AGBL4: variants seen among roughly 807,000 people sequenced by gnomAD.
AGBL4 encodes the protein AGBL carboxypeptidase 4, also known as cytosolic carboxypeptidase 6.
In AGBL4, 58 loss-of-function variants were observed where a neutral mutation model predicts 66.4. The observed-to-expected ratio is 0.87, with a 90% confidence interval of 0.71 to 1.09. AGBL4 has a LOEUF of 1.09. AGBL4 is among the 50% of genes least tolerant of loss of function. The pLI is 0.00. For synonymous variants in AGBL4, 234 were observed against 222.9 expected (o/e 1.05, Z -0.44); for missense variants, 579 against 631.0 (o/e 0.92, Z 0.88).
chr1:49,241,252 T>C (rs1178893043), intron 4 of AGBL4, among the ~76,000 whole-genome samples: 1 of 152,060 alleles, frequency 6.6e-6, no homozygotes, highest in African/African-American at 2.4e-5. Flanking sequence ...TTTATTTCCA[T>C]TGTCATTAGA....
chr1:48,933,260 T>A (rs578244227), intron 5 of AGBL4, among the ~76,000 whole-genome samples: 1 of 152,298 alleles, frequency 6.6e-6, no homozygotes, highest in South Asian at 2.1e-4. Context: ...ATATGGTAGA[T>A]GTTCAAGAAA....
intron 2 of AGBL4, among the ~76,000 whole-genome samples, chr1:49,788,787 T>C (rs1275327342): frequency 6.6e-6 from 1 of 152,142 alleles, no homozygotes; most frequent in Non-Finnish European, 1.5e-5. Flanking sequence ...AAGCATGTAA[T>C]AAGAGTTCCA....
rs544004640 is a variant in AGBL4 at position 48,726,857 on chromosome 1, G to T, written c.635-63616C>A. On this transcript the variant is annotated intron_variant, in intron 6 of 13. Transcript: ENST00000371839. ...TCTAATCCTTGTAGCACCTCTGAAA[G>T]GTAGCTATTATCTCCTTTTTGTGAA... 2.0e-5 allele frequency among the ~76,000 whole-genome samples: 3 copies of T among 152,332 alleles called. No homozygotes were observed. The South Asian group carries it at 6.2e-4, about 32-fold the overall frequency.
chr1:48,558,496 A>G (rs891167748), intron 11 of AGBL4, among the ~76,000 whole-genome samples: 5 of 152,346 alleles, frequency 3.3e-5, no homozygotes, highest in South Asian at 2.1e-4. Flanking sequence ...ATGGTGGCCA[A>G]TCAGAGCACT....
intron 3 of AGBL4, among the ~76,000 whole-genome samples, chr1:49,284,507 A>G (rs1020811733): frequency 8.5e-5 from 13 of 152,180 alleles, no homozygotes; most frequent in Non-Finnish European, 1.6e-4. Context: ...GACAGGATCA[A>G]ATTCACATAT....
At chr1:49,702,933 C>T (rs1022360129) in intron 2 of AGBL4, among the ~76,000 whole-genome samples, 1 of 152,032 alleles carries the variant, frequency 6.6e-6, no homozygotes, top group Non-Finnish European at 1.5e-5. Context: ...CACAAGGGAC[C>T]TTCCTCAAAC....
chr1:49,114,331 C>T (rs1645473230), intron 4 of AGBL4, among the ~76,000 whole-genome samples: 3 of 152,278 alleles, frequency 2.0e-5, no homozygotes, highest in South Asian at 4.1e-4. Flanking sequence ...TTCTTCTGCA[C>T]CTTCTTCATC....
chr1:49,894,643 C>T (rs1161192241), intron 1 of AGBL4, among the ~76,000 whole-genome samples: 1 of 151,950 alleles, frequency 6.6e-6, no homozygotes, highest in Non-Finnish European at 1.5e-5. Context: ...GAAAGACACT[C>T]TTAATAGAGG....
intron 3 of AGBL4, among the ~76,000 whole-genome samples, chr1:49,473,739 T>C (rs1646793361): frequency 6.6e-6 from 1 of 152,112 alleles, no homozygotes; most frequent in Non-Finnish European, 1.5e-5. Context: ...TCCTGGATTT[T>C]CTTCTAGTAT....
At chr1:49,916,249 G>A (rs1651474230) in intron 1 of AGBL4, among the ~76,000 whole-genome samples, 1 of 152,230 alleles carries the variant, frequency 6.6e-6, no homozygotes, top group Non-Finnish European at 1.5e-5. Context: ...ACTTTGATGA[G>A]TTGAGAGAAG....
At chr1:49,413,066 T>C (rs1192258263) in intron 3 of AGBL4, among the ~76,000 whole-genome samples, 3 of 152,134 alleles carry the variant, frequency 2.0e-5, no homozygotes, top group Non-Finnish European at 2.9e-5. Flanking sequence ...GAAGACTGAA[T>C]GGAAATTTCG....
intron 6 of AGBL4, among the ~76,000 whole-genome samples, chr1:48,862,289 C>T (rs6692527): frequency 0.074 from 11,259 of 152,146 alleles, 566 homozygotes; most frequent in East Asian, 0.16. Flanking sequence ...TTAAAAGTGC[C>T]GGCTTCTTCC....
chr1:49,014,114 C>A (rs181618489), intron 5 of AGBL4, among the ~76,000 whole-genome samples: 40 of 152,166 alleles, frequency 2.6e-4, no homozygotes, highest in Non-Finnish European at 4.9e-4. Context: ...TTCCGTTCTT[C>A]CCCCTTCTCT....
chr1:49,894,632 C>T (rs1005328612), intron 1 of AGBL4, among the ~76,000 whole-genome samples: 7 of 151,754 alleles, frequency 4.6e-5, no homozygotes, highest in Non-Finnish European at 1.0e-4. Context: ...CTGAAGGATG[C>T]GAAAGACACT....
At chr1:49,739,102 A>G (rs1177715975) in intron 2 of AGBL4, among the ~76,000 whole-genome samples, 1 of 151,506 alleles carries the variant, frequency 6.6e-6, no homozygotes, top group East Asian at 1.9e-4. Context: ...CGATCAAACT[A>G]CTCTGAGCTA....
At chr1:49,204,513 G>A (rs1013201597) in intron 4 of AGBL4, among the ~76,000 whole-genome samples, 3 of 152,052 alleles carry the variant, frequency 2.0e-5, no homozygotes, top group African/African-American at 2.4e-5. Context: ...CTCCTGGCCT[G>A]AAGTGATCCT....
chr1:48,744,554 G>A (rs1380597442), intron 6 of AGBL4, among the ~76,000 whole-genome samples: 2 of 152,120 alleles, frequency 1.3e-5, no homozygotes, highest in African/African-American at 4.8e-5. Flanking sequence ...ACTCACTCAC[G>A]GTCATTTTTA....
intron 2 of AGBL4, among the ~76,000 whole-genome samples, chr1:49,758,747 G>C (rs866449763): frequency 1.3e-5 from 2 of 151,786 alleles, no homozygotes; most frequent in Non-Finnish European, 2.9e-5. Context: ...AGATGGAAGG[G>C]GCTTCTCTCA....
intron 3 of AGBL4, among the ~76,000 whole-genome samples, chr1:49,246,535 A>T (rs1410372754): frequency 6.6e-6 from 1 of 151,902 alleles, no homozygotes; most frequent in Admixed American, 6.6e-5. Flanking sequence ...ATACGTTTAT[A>T]GCGCCATAAG....
Sources: gnomAD v4.1 joint callset for allele counts (sites outside exome capture counted in the v4.1 genomes callset) on GRCh38, gnomAD v4.1.1 for gene constraint, MANE v1.5 for transcripts, NCBI Gene and HGNC (gene_info 2026-07-23, HGNC 2026-07-21) for gene names.